Variants in MAP3K13 observed in about 807,000 individuals in gnomAD.
MAP3K13 encodes leucine zipper-bearing kinase.
In MAP3K13, 52 loss-of-function variants were observed where a neutral mutation model predicts 104.0. That is an observed-to-expected ratio of 0.50 (90% CI 0.40 to 0.63). The LOEUF is 0.63. Among genes scored for constraint, MAP3K13 ranks in the 20% least tolerant of loss-of-function variants. The pLI, the probability that MAP3K13 is intolerant of heterozygous loss-of-function variation, is 0.00. For synonymous variants in MAP3K13, 394 were observed against 442.2 expected (o/e 0.89, Z 1.37); for missense variants, 914 against 1,218.5 (o/e 0.75, Z 3.72).
intron 12 of MAP3K13, chr3:185,480,018 T>C: frequency 3.3e-6 from 2 of 597,980 alleles, no homozygotes; most frequent in South Asian, 4.1e-5. Context: ...GTCGCACTGG[T>C]ATTAGGGCCT....
At chr3:185,365,164 A>G (rs370622457) in intron 1 of MAP3K13, among the ~76,000 whole-genome samples, 25 of 152,220 alleles carry the variant, frequency 1.6e-4, no homozygotes, top group African/African-American at 5.8e-4. Context: ...GAGCAGATAT[A>G]GAATCCCCCT....
chr3:185,471,537 G>T (rs1717790102), intron 10 of MAP3K13, among the ~76,000 whole-genome samples: 1 of 137,266 alleles, frequency 7.3e-6, no homozygotes, highest in Non-Finnish European at 1.5e-5. Flanking sequence ...TCAGCTCACT[G>T]CAACTTCTGC....
intron 7 of MAP3K13, among the ~76,000 whole-genome samples, chr3:185,457,882 T>C (rs1486053630): frequency 6.6e-6 from 1 of 152,170 alleles, no homozygotes; most frequent in Non-Finnish European, 1.5e-5. Context: ...AGACCTTTAG[T>C]CTAAACTCCA....
intron 2 of MAP3K13, among the ~76,000 whole-genome samples, chr3:185,356,189 G>A (rs1211582653): frequency 6.6e-6 from 1 of 151,828 alleles, no homozygotes; most frequent in Non-Finnish European, 1.5e-5. Flanking sequence ...AGAGTTAGAA[G>A]ACAGAATTTG....
chr3:185,396,089 G>T (rs1169984896), intron 1 of MAP3K13, among the ~76,000 whole-genome samples: 2 of 151,908 alleles, frequency 1.3e-5, no homozygotes, highest in African/African-American at 4.8e-5. Context: ...AGGTATATTC[G>T]GCCAGGTGCG....
chr3:185,306,352 C>T (rs1487547134), intron 2 of MAP3K13, among the ~76,000 whole-genome samples: 1 of 152,184 alleles, frequency 6.6e-6, no homozygotes, highest in Admixed American at 6.5e-5. Context: ...TGAGAAATCT[C>T]CAAACTGCTT....
In MAP3K13 at chr3:185,455,050, G is replaced by GAT. The variant is rs1332739862; in HGVS notation, c.1278+3660_1278+3661dup. Among the ~76,000 whole-genome samples, 32 of 85,104 alleles carry GAT rather than the reference G, an allele frequency of 3.8e-4. 2 individuals are homozygous for GAT. Among genetic ancestry groups the GAT allele is most frequent in the East Asian group, 1.5e-3 (4 of 2,698 alleles). 55.8% of individuals were successfully genotyped at this position (85,104 alleles called of 152,430 possible). On this transcript the variant is annotated intron_variant, in intron 7 of 13. Transcript: ENST00000265026. ...TGAGATATATATGATATATATATGAGATATATGTGAGATATATATGAGATA... is the reference window on the plus strand; with the variant it reads ...TGAGATATATATGATATATATATGAGATATATATGTGAGATATATATGAGATA...
chr3:185,415,402 C>T (rs1369269369), intron 1 of MAP3K13, among the ~76,000 whole-genome samples: 5 of 151,970 alleles, frequency 3.3e-5, no homozygotes, highest in African/African-American at 4.8e-5. Context: ...AAGTGATCTA[C>T]CTGCTTCAGC....
intron 1 of MAP3K13, among the ~76,000 whole-genome samples, chr3:185,401,571 C>G (rs1712818838): frequency 6.6e-6 from 1 of 152,218 alleles, no homozygotes; most frequent in Admixed American, 6.5e-5. Flanking sequence ...CCTACCCCAC[C>G]ACTCCCTATT....
At position 185,463,671 on chromosome 3, in the gene MAP3K13, C is replaced by T. The variant is rs1717245722; in HGVS notation, c.1388+12C>T. 1 of 1,521,686 alleles carries T rather than the reference C, an allele frequency of 6.6e-7. No homozygotes were observed. The highest frequency in any genetic ancestry group is 9.1e-7 in the Non-Finnish European group (1 of 1,097,974). The allele number at this position is 1,521,686 out of a possible 1,614,324, so 94.3% of individuals were successfully genotyped here. On this transcript the variant is annotated intron_variant, in intron 8 of 13. Transcript: ENST00000265026. ...AGAGAAGAGCTCAGGTCAGCTCATCCCTCCTTCCCCACCTCCCTTCATCCC... is the reference window on the plus strand; with the variant it reads ...AGAGAAGAGCTCAGGTCAGCTCATCTCTCCTTCCCCACCTCCCTTCATCCC...
intron 1 of MAP3K13, among the ~76,000 whole-genome samples, chr3:185,389,615 A>G (rs1225596168): frequency 6.6e-6 from 1 of 151,998 alleles, no homozygotes; most frequent in East Asian, 1.9e-4. Context: ...TGTCCACAAG[A>G]ATTCACAGTC....
chr3:185,336,770 C>A lies in MAP3K13; in HGVS notation c.-86+51127C>A, dbSNP rs975965884. On this transcript the variant is annotated intron_variant, in intron 2 of 14. Transcript: ENST00000424227. ...CTGCCACTAATTTGCCTTTTGATAG[C>A]AAAATATACTCTTTTAAAGAAAAAA... Among the ~76,000 whole-genome samples, 4 of 151,048 alleles carry A rather than the reference C, an allele frequency of 2.6e-5. No individual in the cohort carries two copies. The Admixed American group carries it at 2.7e-4, about 10-fold the overall frequency.
At chr3:185,319,269 A>C (rs886346356) in intron 2 of MAP3K13, among the ~76,000 whole-genome samples, 1 of 152,186 alleles carries the variant, frequency 6.6e-6, no homozygotes, top group Non-Finnish European at 1.5e-5. Context: ...GAGCATTGTG[A>C]TGTTTCAGTT....
intron 2 of MAP3K13, chr3:185,285,687 A>C: frequency 2.0e-6 from 3 of 1,479,096 alleles, no homozygotes; most frequent in South Asian, 2.4e-5. Flanking sequence ...ATGGTAGACC[A>C]ATCTTAAATT....
chr3:185,432,185 CT>C (rs11407161), intron 2 of MAP3K13, among the ~76,000 whole-genome samples: 1,177 of 90,056 alleles, frequency 0.013, 8 homozygotes, highest in African/African-American at 0.047. Context: ...TTTCTAATTG[CT>C]TTTTTTTTTT....
upstream of MAP3K13, among the ~76,000 whole-genome samples, chr3:185,360,141 G>T (rs1723543722): frequency 6.6e-6 from 1 of 152,102 alleles, no homozygotes; most frequent in East Asian, 1.9e-4. Flanking sequence ...CTTGATAATG[G>T]CTTTGCAGTC....
rs549791887 is a variant in MAP3K13 at position 185,329,399 on chromosome 3, G to C, written c.-86+43756G>C. 1.1e-4 allele frequency: 61 copies of C among 538,446 alleles called. 1 individual carries two copies. In the Admixed American group the frequency reaches 1.2e-3, roughly 11 times the overall value. 33.4% of individuals were successfully genotyped at this position (538,446 alleles called of 1,614,324 possible). On this transcript the variant is annotated intron_variant, in intron 2 of 14. Coordinates refer to the MAP3K13 transcript ENST00000424227. ...AGCAGTCTCTCAGATCATTAAATTG[G>C]AGGTTTTGATGTTCAAAGAAATTAA...
At chr3:185,441,487 T>G (rs1463841197) in intron 3 of MAP3K13, among the ~76,000 whole-genome samples, 2 of 152,210 alleles carry the variant, frequency 1.3e-5, no homozygotes, top group Non-Finnish European at 2.9e-5. Context: ...TATAAAGAAC[T>G]AGTGGCTGTT....
At chr3:185,401,708 G>T (rs1352564261) in intron 1 of MAP3K13, among the ~76,000 whole-genome samples, 1 of 152,184 alleles carries the variant, frequency 6.6e-6, no homozygotes, top group Non-Finnish European at 1.5e-5. Context: ...AGTAAGTAAA[G>T]TTTCATCAGT....
Sources: allele counts gnomAD v4.1 joint callset (sites outside exome capture counted in the v4.1 genomes callset), GRCh38; gene constraint gnomAD v4.1.1; transcripts MANE v1.5; gene names NCBI Gene and HGNC (gene_info 2026-07-23, HGNC 2026-07-21).